Variants in PAPPA observed in about 807,000 individuals in gnomAD.
PAPPA encodes pappalysin-1.
PAPPA carries 60 observed loss-of-function variants against 164.0 expected under a neutral mutation model. The observed-to-expected ratio is 0.37, with a 90% CI of 0.30 to 0.45. The LOEUF (loss-of-function observed/expected upper bound fraction) is 0.45. PAPPA is among the 20% of genes least tolerant of loss of function. The pLI is 1.00. For missense variants in PAPPA, 1,782 were observed against 2,087.3 expected, an observed-to-expected ratio of 0.85 and a Z score of 2.85; for synonymous variants, 875 against 814.1, an observed-to-expected ratio of 1.07 and a Z score of -1.27.
At chr9:116,221,713 C>T (rs1844448394) in intron 5 of PAPPA, among the ~76,000 whole-genome samples, 1 of 151,704 alleles carries the variant, frequency 6.6e-6, no homozygotes. Context: ...TTACACTGCC[C>T]CCCGCAAGGC....
rs146585709 is a variant in PAPPA at position 116,392,509 on chromosome 9, G to GAATC, written c.4777-3998_4777-3995dup. Reference sequence around the variant, plus strand: ...CATCTGGCATGTGGAAGGCCCTTTGGAATCACTAGTGTGTGTACAATGGTA... The same window carrying GAATC: ...CATCTGGCATGTGGAAGGCCCTTTGGAATCAATCACTAGTGTGTGTACAATGGTA... On this transcript the variant is annotated intron_variant, in intron 21 of 21. Coordinates refer to ENST00000328252, the MANE Select transcript of PAPPA (RefSeq NM_002581.5). Among the ~76,000 whole-genome samples the GAATC allele has an allele frequency of 0.013, 1,935 of 152,288 alleles. 176 individuals are homozygous for GAATC. The South Asian group carries it at 0.2, about 16-fold the overall frequency.
chr9:116,317,498 G>C (rs913256631), intron 10 of PAPPA, among the ~76,000 whole-genome samples: 3 of 152,200 alleles, frequency 2.0e-5, no homozygotes, highest in African/African-American at 7.2e-5. Flanking sequence ...TTTCACTCTA[G>C]AGCCAGCAGA....
intron 19 of PAPPA, among the ~76,000 whole-genome samples, chr9:116,375,936 A>G (rs2118679294): frequency 6.6e-6 from 1 of 151,718 alleles, no homozygotes; most frequent in East Asian, 1.9e-4. Context: ...ATTTTATTTT[A>G]TTTCATTTTA....
At chr9:116,292,267 A>T (rs1310381671) in intron 9 of PAPPA, among the ~76,000 whole-genome samples, 1 of 152,208 alleles carries the variant, frequency 6.6e-6, no homozygotes, top group Non-Finnish European at 1.5e-5. Flanking sequence ...GGCATGGCGT[A>T]GTTTACGTTT....
chr9:116,312,821 C>T (rs754518157), intron 10 of PAPPA, among the ~76,000 whole-genome samples: 3 of 151,918 alleles, frequency 2.0e-5, no homozygotes, highest in Non-Finnish European at 4.4e-5. Context: ...TGGTGGCTCA[C>T]GCCTGTAATC....
intron 15 of PAPPA, among the ~76,000 whole-genome samples, chr9:116,352,049 C>A (rs1323641074): frequency 6.6e-6 from 1 of 152,234 alleles, no homozygotes; most frequent in Non-Finnish European, 1.5e-5. Flanking sequence ...CCCCATCAGA[C>A]CAGCTTCCCA....
At chr9:116,205,541 C>G (rs1844224431) in intron 2 of PAPPA, among the ~76,000 whole-genome samples, 1 of 152,156 alleles carries the variant, frequency 6.6e-6, no homozygotes, top group Admixed American at 6.5e-5. Context: ...CATTGTTTCT[C>G]TTTTCACTCT....
In PAPPA at chr9:116,314,060, C is replaced by CTTTTTTTTTTTTTT. The variant is rs57871796; in HGVS notation, c.3147+11127_3147+11140dup. 1.5e-3 allele frequency among the ~76,000 whole-genome samples: 106 copies of CTTTTTTTTTTTTTT among 69,730 alleles called. 16 individuals are homozygous for CTTTTTTTTTTTTTT. Among genetic ancestry groups the CTTTTTTTTTTTTTT allele is most frequent in the South Asian group, 4.7e-3 (10 of 2,110 alleles). The allele number at this position is 69,730 out of a possible 152,430, so 45.7% of individuals were successfully genotyped here. ...ATTCAGTTCTGTCATTGCATCGAAT[C>CTTTTTTTTTTTTTT]TTTTTTTTTTTTTTTTTTTTTTTTT... On this transcript the variant is annotated intron_variant, in intron 10 of 21. Coordinates refer to ENST00000328252, the MANE Select transcript of PAPPA (RefSeq NM_002581.5).
intron 5 of PAPPA, among the ~76,000 whole-genome samples, chr9:116,225,508 T>A (rs116397256): frequency 1.3e-3 from 203 of 152,346 alleles, no homozygotes; most frequent in African/African-American, 4.8e-3. Context: ...GAGATATTGC[T>A]ATAGATTTAG....
chr9:116,325,879 G>T (rs916811876), intron 10 of PAPPA, among the ~76,000 whole-genome samples: 2 of 152,112 alleles, frequency 1.3e-5, no homozygotes, highest in Non-Finnish European at 2.9e-5. Flanking sequence ...TTTCATAAAC[G>T]TGTTGCTCCT....
At chr9:116,355,227 G>A (rs1846337779) in intron 17 of PAPPA, among the ~76,000 whole-genome samples, 2 of 152,188 alleles carry the variant, frequency 1.3e-5, no homozygotes, top group South Asian at 2.1e-4. Context: ...ACAGTGCCAG[G>A]CACCTAGTAG....
At chr9:116,255,371 A>G (rs1587974212) in intron 7 of PAPPA, among the ~76,000 whole-genome samples, 1 of 152,204 alleles carries the variant, frequency 6.6e-6, no homozygotes, top group Non-Finnish European at 1.5e-5. Flanking sequence ...TTTCAGGTTT[A>G]TATTAGAAAT....
rs1847051963 is a variant in PAPPA at position 116,401,366 on chromosome 9, G to A, written c.*4750G>A. On this transcript the variant is annotated 3_prime_UTR_variant, in exon 22 of 22. Transcript: ENST00000328252. ...TCTCAGACTTAAAATTCCACATCAA[G>A]TGTTCCATTAAAAGAAGATAAGGCA... The A allele has an allele frequency of 6.6e-6, 1 of 152,480 alleles. No homozygotes were observed. 9.4% of individuals were successfully genotyped at this position (152,480 alleles called of 1,614,324 possible).
intron 9 of PAPPA, among the ~76,000 whole-genome samples, chr9:116,295,311 G>A (rs1168473836): frequency 2.0e-5 from 3 of 152,104 alleles, no homozygotes; most frequent in African/African-American, 7.2e-5. Context: ...CAGCACTTTG[G>A]GAGGCTGAAC....
At chr9:116,241,900 T>C (rs1369095558) in intron 7 of PAPPA, among the ~76,000 whole-genome samples, 1 of 152,170 alleles carries the variant, frequency 6.6e-6, no homozygotes, top group African/African-American at 2.4e-5. Context: ...CATTTCTTTT[T>C]ATAGCTCTTT....
At chr9:116,354,248 G>T (rs1230159995) in intron 17 of PAPPA, among the ~76,000 whole-genome samples, 2 of 152,108 alleles carry the variant, frequency 1.3e-5, no homozygotes, top group Non-Finnish European at 2.9e-5. Context: ...AAGGAGCAAG[G>T]TTTGAATTTT....
intron 7 of PAPPA, among the ~76,000 whole-genome samples, chr9:116,236,347 G>A (rs1161528527): frequency 6.6e-6 from 1 of 152,000 alleles, no homozygotes; most frequent in Non-Finnish European, 1.5e-5. Flanking sequence ...CACTTTGGGA[G>A]GCCGAGGCAG....
chr9:116,206,057 C>A (rs192112794), intron 2 of PAPPA, among the ~76,000 whole-genome samples: 1 of 152,142 alleles, frequency 6.6e-6, no homozygotes, highest in Non-Finnish European at 1.5e-5. Context: ...TCTTCCCTGA[C>A]GACAGAGCAG....
intron 1 of PAPPA, among the ~76,000 whole-genome samples, chr9:116,182,509 G>A (rs1283535103): frequency 6.6e-6 from 1 of 152,136 alleles, no homozygotes; most frequent in Non-Finnish European, 1.5e-5. Flanking sequence ...TGGGTGGCAT[G>A]GGGTCGTCAG....
Sources: allele counts gnomAD v4.1 joint callset (sites outside exome capture counted in the v4.1 genomes callset), GRCh38; gene constraint gnomAD v4.1.1; transcripts MANE v1.5; gene names NCBI Gene and HGNC (gene_info 2026-07-23, HGNC 2026-07-21).